Variants in DDX46 observed in about 807,000 individuals in gnomAD.
DDX46 encodes the protein DEAD-box helicase 46.
DDX46 carries 30 observed loss-of-function variants against 134.9 expected under a neutral mutation model. The observed-to-expected ratio is 0.22, with a 90% CI of 0.17 to 0.30. The LOEUF (loss-of-function observed/expected upper bound fraction) is 0.30, where lower values mean the gene tolerates loss of function less well. Ranked by LOEUF, DDX46 falls within the 10% of genes least tolerant of loss-of-function variation. The pLI, the probability that DDX46 is intolerant of heterozygous loss-of-function variation, is 1.00. For missense variants in DDX46, 622 were observed against 1,248.7 expected, an observed-to-expected ratio of 0.50 and a Z score of 7.56; for synonymous variants, 415 against 404.1, an observed-to-expected ratio of 1.03 and a Z score of -0.32.
At chr5:134,786,540 T>C (rs75800104) in intron 11 of DDX46, among the ~76,000 whole-genome samples, 2 of 152,168 alleles carry the variant, frequency 1.3e-5, no homozygotes, top group Non-Finnish European at 2.9e-5. Context: ...TAATCTATGC[T>C]GACATCTTTA....
chr5:134,812,752 T>C (rs1222301786), intron 18 of DDX46, among the ~76,000 whole-genome samples: 13 of 151,824 alleles, frequency 8.6e-5, no homozygotes, highest in Middle Eastern at 3.4e-3. Flanking sequence ...ATTTTCCTGT[T>C]TCAGCCTCCC....
chr5:134,819,174 C>T (rs1755372707), intron 21 of DDX46, among the ~76,000 whole-genome samples, 170 bp downstream of exon 21: 1 of 152,156 alleles, frequency 6.6e-6, no homozygotes, highest in African/African-American at 2.4e-5. Context: ...AATTTCAGTA[C>T]ATATGCAAAG....
intron 13 of DDX46, among the ~76,000 whole-genome samples, chr5:134,793,596 G>A (rs925745732): frequency 6.6e-6 from 1 of 151,996 alleles, no homozygotes; most frequent in African/African-American, 2.4e-5. Context: ...GTAGAGACAG[G>A]GTTTCACCAT....
At chr5:134,781,297 TA>T in intron 7 of DDX46, 51 bp downstream of exon 7, 1 of 1,389,254 alleles carries the variant, frequency 7.2e-7, no homozygotes, top group Non-Finnish European at 9.9e-7. Flanking sequence ...TGGAAGCATT[TA>T]TTAGAAAGCA....
intron 15 of DDX46, among the ~76,000 whole-genome samples, chr5:134,806,483 A>T (rs546265127): frequency 7.4e-4 from 113 of 152,338 alleles, no homozygotes; most frequent in African/African-American, 2.7e-3. Flanking sequence ...GTTAGTAAGG[A>T]TACTTTAGGC....
At chr5:134,780,136 GTGTA>G (rs1554148812) in intron 6 of DDX46, among the ~76,000 whole-genome samples, 97 of 147,394 alleles carry the variant, frequency 6.6e-4, no homozygotes, top group Middle Eastern at 3.5e-3. Context: ...GTGTGTGTGT[GTGTA>G]TATGTATATA....
At chr5:134,760,975 C>T (rs543980111) in intron 1 of DDX46, among the ~76,000 whole-genome samples, 9 of 152,126 alleles carry the variant, frequency 5.9e-5, no homozygotes, top group Admixed American at 2.0e-4. Flanking sequence ...GTGATCCACC[C>T]GCCTCGGCCT....
At chr5:134,774,837 C>T (rs954419934) in intron 5 of DDX46, among the ~76,000 whole-genome samples, 2 of 152,102 alleles carry the variant, frequency 1.3e-5, no homozygotes, top group African/African-American at 4.8e-5. Flanking sequence ...GCCACCATGC[C>T]TGGCTAATTT....
At position 134,770,450 on chromosome 5, in the gene DDX46, T is replaced by C. The variant is rs186233184; in HGVS notation, c.351-453T>C. On this transcript the variant is annotated intron_variant, in intron 3 of 22. Transcript: ENST00000452510. ...TGATCTCTTTAACTCCTGTTTTCAATTGATCCTCCTGCCTTGGCTTCCCAA... is the reference window on the plus strand; with the variant it reads ...TGATCTCTTTAACTCCTGTTTTCAACTGATCCTCCTGCCTTGGCTTCCCAA... 1.3e-4 allele frequency among the ~76,000 whole-genome samples: 20 copies of C among 151,778 alleles called. No homozygotes were observed. In the East Asian group the frequency reaches 2.3e-3, roughly 18 times the overall value.
intron 8 of DDX46, among the ~76,000 whole-genome samples, chr5:134,782,628 C>T (rs1262210237): frequency 1.3e-5 from 2 of 151,980 alleles, no homozygotes; most frequent in African/African-American, 2.4e-5. Context: ...CCCCCGTTCC[C>T]ACCCCAGGCT....
intron 21 of DDX46, among the ~76,000 whole-genome samples, chr5:134,820,790 C>T (rs1034654081): frequency 6.6e-6 from 1 of 151,670 alleles, no homozygotes; most frequent in Non-Finnish European, 1.5e-5. Context: ...AAATTTCTAG[C>T]TGTAAATGCC....
At chr5:134,780,952 C>A in intron 6 of DDX46, 181 bp from the exon 7 acceptor site, 1 of 419,788 alleles carries the variant, frequency 2.4e-6, no homozygotes, top group African/African-American at 2.1e-5. Context: ...ATCCTTGAGC[C>A]CAGAAATTTG....
Position 134,773,420 on chromosome 5 carries a change from G to C in DDX46, c.448-276G>C, listed in dbSNP as rs1239617882. On this transcript the variant is annotated intron_variant, in intron 4 of 22. Transcript: ENST00000452510. ...TAAAGTTTATGTGTGCATAATGCTT[G>C]TAAGTAAAATGAGATTGATTTATAG... 5.3e-5 allele frequency among the ~76,000 whole-genome samples: 8 copies of C among 152,296 alleles called. No homozygotes were observed. In the East Asian group the frequency reaches 1.5e-3, roughly 29 times the overall value.
chr5:134,811,559 C>T, intron 17 of DDX46, 137 bp from the exon 18 acceptor site: 1 of 1,127,586 alleles, frequency 8.9e-7, no homozygotes, highest in Non-Finnish European at 1.2e-6. Context: ...ATGTAGAGCT[C>T]TTAGTTTATC....
Position 134,771,130 on chromosome 5 carries a change from T to G in DDX46, c.447+131T>G, listed in dbSNP as rs796870531. ...TTTCTGTCTGTCTTTCTTTCTGTCTTTCTTTCTGTCTGTCTCTGTTGCCCA... is the reference window on the plus strand; with the variant it reads ...TTTCTGTCTGTCTTTCTTTCTGTCTGTCTTTCTGTCTGTCTCTGTTGCCCA... On this transcript the variant is annotated intron_variant, in intron 4 of 22. Coordinates refer to ENST00000452510, the MANE Select transcript of DDX46 (RefSeq NM_001300860.2). 302 of 548,906 alleles carry G rather than the reference T, an allele frequency of 5.5e-4. 2 individuals are homozygous for G. The highest frequency in any genetic ancestry group is 5.5e-3 in the African/African-American group (277 of 50,586). 34.0% of individuals were successfully genotyped at this position (548,906 alleles called of 1,614,324 possible).
chr5:134,791,478 G>T lies in DDX46; in HGVS notation c.1626+926G>T, dbSNP rs187578412. ...CAGGAGGCTGAGGCAGGAGAATGGC[G>T]TGAACCCGGGCGGCGGAGCTTGCAG... On this transcript the variant is annotated intron_variant, in intron 13 of 22. Coordinates refer to ENST00000452510, the MANE Select transcript of DDX46 (RefSeq NM_001300860.2). Among the ~76,000 whole-genome samples, 594 of 151,788 alleles carry T rather than the reference G, an allele frequency of 3.9e-3. 6 individuals are homozygous for T. Among genetic ancestry groups the T allele is most frequent in the African/African-American group, 0.013 (556 of 41,380 alleles).
chr5:134,785,667 T>C (rs1754309855), intron 11 of DDX46, 81 bp downstream of exon 11: 6 of 1,490,602 alleles, frequency 4.0e-6, no homozygotes, highest in Non-Finnish European at 5.4e-6. Context: ...ACTTTTACTT[T>C]TAGTTTTTTG....
chr5:134,773,962 A>C, intron 5 of DDX46, 101 bp downstream of exon 5: 1 of 1,157,922 alleles, frequency 8.6e-7, no homozygotes, highest in Non-Finnish European at 1.2e-6. Flanking sequence ...GTTGAAAACT[A>C]TGCATAATAT....
chr5:134,811,994 C>T, intron 18 of DDX46, 149 bp downstream of exon 18: 1 of 677,306 alleles, frequency 1.5e-6, no homozygotes, highest in Non-Finnish European at 2.3e-6. Context: ...CTGCCTACTA[C>T]ATACCAGTAC....
Sources: allele counts gnomAD v4.1 joint callset (sites outside exome capture counted in the v4.1 genomes callset), GRCh38; gene constraint gnomAD v4.1.1; transcripts MANE v1.5; gene names NCBI Gene and HGNC (gene_info 2026-07-23, HGNC 2026-07-21).